Variants in SNCAIP observed in about 807,000 individuals in gnomAD.
SNCAIP encodes the protein synphilin-1.
Under a neutral mutation model 86.7 loss-of-function variants are expected in SNCAIP, and 43 were observed. The ratio of observed to expected loss-of-function variants is 0.50; its 90% CI spans 0.39 to 0.64. SNCAIP has a LOEUF of 0.64. Among genes scored for constraint, SNCAIP ranks in the 30% least tolerant of loss-of-function variants. SNCAIP has a pLI of 0.00. For missense variants in SNCAIP, 981 were observed against 1,103.1 expected, an observed-to-expected ratio of 0.89 and a Z score of 1.57; for synonymous variants, 417 against 427.2, an observed-to-expected ratio of 0.98 and a Z score of 0.29.
chr5:122,313,601 G>T lies in SNCAIP; in HGVS notation c.-47+1317G>T, dbSNP rs146806842. Among the ~76,000 whole-genome samples, 89 of 152,350 alleles carry T rather than the reference G, an allele frequency of 5.8e-4. No homozygotes were observed. The East Asian group carries it at 0.015, about 26-fold the overall frequency. On this transcript the variant is annotated intron_variant, in intron 1 of 10. Transcript: ENST00000261368. ...ACATATTGAAAATTTAAAAGGCAAA[G>T]AACAAGGTGTAGGAAAGCAGTATGC...
rs1489654424 is a variant in SNCAIP, at chr5:122,451,273, C to G, written c.2426C>G (p.Ser809Cys). 6.2e-6 allele frequency: 10 copies of G among 1,614,172 alleles called. No individual in the cohort carries two copies. The highest frequency in any genetic ancestry group is 2.7e-5 in the African/African-American group (2 of 75,046). ...LKSPSSKRRT[S>C]QNLKLRVTFE... ...TCTCCATCTTCCAAGCGTAGGACAT[C>G]TCAGAACTTAAAACTGAGAGTTACC... Residue 809 changes from serine (S) to cysteine (C), a missense_variant, in exon 10 of 11, where the codon TCT becomes TGT. By Grantham distance (112) the Ser-to-Cys change is moderately radical. Coordinates refer to ENST00000261368, the MANE Select transcript of SNCAIP (RefSeq NM_005460.4).
chr5:122,436,299 T>G (rs1779459343), intron 6 of SNCAIP, among the ~76,000 whole-genome samples: 2 of 152,080 alleles, frequency 1.3e-5, no homozygotes, highest in Admixed American at 6.6e-5. Context: ...CCTCACAGTG[T>G]TAATCTGAGG....
chr5:122,403,997 A>AC (rs545541838), intron 3 of SNCAIP, 132 bp downstream of exon 3: 2 of 706,008 alleles, frequency 2.8e-6, no homozygotes, highest in African/African-American at 3.6e-5. Context: ...CACTCACACC[A>AC]CCCCCCACCT....
intron 3 of SNCAIP, among the ~76,000 whole-genome samples, chr5:122,408,798 G>A (rs1773537496): frequency 6.6e-6 from 1 of 152,184 alleles, no homozygotes; most frequent in Non-Finnish European, 1.5e-5. Flanking sequence ...TCATAAGCCA[G>A]CAGTGTACCA....
At chr5:122,355,455 C>T (rs1345602653) in intron 1 of SNCAIP, among the ~76,000 whole-genome samples, 1 of 151,812 alleles carries the variant, frequency 6.6e-6, no homozygotes, top group Non-Finnish European at 1.5e-5. Flanking sequence ...GGTGATAAAC[C>T]CCGGGTGTGA....
intron 1 of SNCAIP, among the ~76,000 whole-genome samples, chr5:122,349,406 G>A (rs1759322036): frequency 6.6e-6 from 1 of 151,788 alleles, no homozygotes; most frequent in African/African-American, 2.4e-5. Flanking sequence ...ACCTCTAAAG[G>A]GTATTACAAC....
chr5:122,312,699 C>T (rs1479883337), intron 1 of SNCAIP: 1 of 152,202 alleles, frequency 6.6e-6, no homozygotes, highest in Admixed American at 6.5e-5. Flanking sequence ...ATAGTAATAG[C>T]GACAGTACTA....
chr5:122,417,373 T>C (rs961103759), intron 3 of SNCAIP, among the ~76,000 whole-genome samples: 1 of 152,190 alleles, frequency 6.6e-6, no homozygotes, highest in African/African-American at 2.4e-5. Flanking sequence ...TTCCATACAG[T>C]CATAGAAATT....
At chr5:122,321,106 T>G (rs1467332682) in intron 1 of SNCAIP, among the ~76,000 whole-genome samples, 4 of 152,126 alleles carry the variant, frequency 2.6e-5, no homozygotes, top group Non-Finnish European at 5.9e-5. Context: ...GATCCATGAA[T>G]GGGAGCCATG....
intron 10 of SNCAIP, among the ~76,000 whole-genome samples, chr5:122,458,198 G>A (rs563589856): frequency 6.6e-6 from 1 of 152,286 alleles, no homozygotes; most frequent in East Asian, 1.9e-4. Flanking sequence ...ATGAATGTGT[G>A]GAGTTTGTGA....
chr5:122,377,611 C>T (rs963699683), intron 1 of SNCAIP, among the ~76,000 whole-genome samples: 1 of 151,744 alleles, frequency 6.6e-6, no homozygotes, highest in Non-Finnish European at 1.5e-5. Context: ...CATATGTATA[C>T]ATGTGCCATG....
intron 10 of SNCAIP, among the ~76,000 whole-genome samples, chr5:122,461,500 A>T (rs762813418): frequency 2.6e-5 from 4 of 152,074 alleles, no homozygotes; most frequent in African/African-American, 4.8e-5. Context: ...CAGATTTTCT[A>T]ATGATTCTTC....
At chr5:122,355,817 T>C (rs1304417384) in intron 1 of SNCAIP, among the ~76,000 whole-genome samples, 3 of 152,138 alleles carry the variant, frequency 2.0e-5, no homozygotes, top group Non-Finnish European at 4.4e-5. Context: ...CAACACTGTA[T>C]CTGTGAAGCC....
At chr5:122,407,546 A>G (rs1773262457) in intron 3 of SNCAIP, among the ~76,000 whole-genome samples, 1 of 152,244 alleles carries the variant, frequency 6.6e-6, no homozygotes, top group Admixed American at 6.5e-5. Context: ...GTAGAATCAT[A>G]ACTCTCACTA....
At position 122,463,587 on chromosome 5, in the gene SNCAIP, A is replaced by C; in HGVS notation, c.*91A>C. ...AACTCTTCTTGTAAATCACTTTTTAAATTTTCTCTCACTGATGCCCTTTGG... is the reference window on the plus strand; with the variant it reads ...AACTCTTCTTGTAAATCACTTTTTACATTTTCTCTCACTGATGCCCTTTGG... On this transcript the variant is annotated 3_prime_UTR_variant, in exon 11 of 11. Transcript: ENST00000261368. The C allele has an allele frequency of 1.4e-6, 2 of 1,465,070 alleles. No individual in the cohort carries two copies. Among genetic ancestry groups the C allele is most frequent in the Admixed American group, 3.5e-5 (2 of 57,708 alleles). The allele number at this position is 1,465,070 out of a possible 1,614,324, so 90.8% of individuals were successfully genotyped here.
At chr5:122,365,961 A>G (rs940114712) in intron 1 of SNCAIP, among the ~76,000 whole-genome samples, 1 of 152,152 alleles carries the variant, frequency 6.6e-6, no homozygotes, top group Non-Finnish European at 1.5e-5. Flanking sequence ...GTGTAAACTT[A>G]AAAGCTTCCT....
chr5:122,447,561 G>A (rs1290506890), intron 8 of SNCAIP, among the ~76,000 whole-genome samples: 9 of 152,126 alleles, frequency 5.9e-5, no homozygotes, highest in African/African-American at 2.2e-4. Flanking sequence ...AAAAGCAGAC[G>A]CTAATCTTTC....
chr5:122,374,071 A>T (rs559344459), intron 1 of SNCAIP, among the ~76,000 whole-genome samples: 7 of 152,034 alleles, frequency 4.6e-5, no homozygotes, highest in South Asian at 4.2e-4. Context: ...CTATGGGAAA[A>T]TTTTTTTCGT....
chr5:122,463,624 A>C lies in SNCAIP; in HGVS notation c.*128A>C. On this transcript the variant is annotated 3_prime_UTR_variant, in exon 11 of 11. Coordinates refer to ENST00000261368, the MANE Select transcript of SNCAIP (RefSeq NM_005460.4). Reference sequence around the variant, plus strand: ...CTGATGCCCTTTGGAAATTATTGGAAATTTCTGGACTATCCTCTTTGGAAA... The same window carrying C: ...CTGATGCCCTTTGGAAATTATTGGACATTTCTGGACTATCCTCTTTGGAAA... 2.0e-6 allele frequency: 2 copies of C among 989,022 alleles called. No individual in the cohort carries two copies. The highest frequency in any genetic ancestry group is 3.1e-6 in the Non-Finnish European group (2 of 637,310). The allele number at this position is 989,022 out of a possible 1,614,324, so 61.3% of individuals were successfully genotyped here.
Sources: allele counts gnomAD v4.1 joint callset (sites outside exome capture counted in the v4.1 genomes callset), GRCh38; gene constraint gnomAD v4.1.1; transcripts MANE v1.5; gene names NCBI Gene and HGNC (gene_info 2026-07-23, HGNC 2026-07-21).